The following GABRB1 variants were observed in gnomAD, a reference collection of about 807,000 sequenced individuals.
GABRB1 encodes gamma-aminobutyric acid receptor subunit beta-1.
Under a neutral mutation model 51.6 loss-of-function variants are expected in GABRB1, and 17 were observed. The observed-to-expected ratio is 0.33, with a 90% CI of 0.23 to 0.49. The LOEUF (loss-of-function observed/expected upper bound fraction) is 0.49. Ranked by LOEUF, GABRB1 falls within the 20% of genes least tolerant of loss-of-function variation. The pLI, the probability that GABRB1 is intolerant of heterozygous loss-of-function variation, is 0.99. For missense variants in GABRB1, 410 were observed against 600.6 expected (o/e 0.68, Z 3.32); for synonymous variants, 247 against 218.9 (o/e 1.13, Z -1.14).
At chr4:47,254,708 G>C (rs921306747) in intron 4 of GABRB1, among the ~76,000 whole-genome samples, 2 of 152,062 alleles carry the variant, frequency 1.3e-5, no homozygotes, top group African/African-American at 4.8e-5. Flanking sequence ...AAAATAGGCT[G>C]TATTCTTTGT....
chr4:47,372,820 G>T (rs1047904636), intron 5 of GABRB1, among the ~76,000 whole-genome samples: 1 of 152,138 alleles, frequency 6.6e-6, no homozygotes, highest in East Asian at 1.9e-4. Flanking sequence ...TTCTGGGGAG[G>T]TGTGGGGCTT....
chr4:47,078,858 G>A (rs541742811), intron 3 of GABRB1, among the ~76,000 whole-genome samples: 1 of 152,196 alleles, frequency 6.6e-6, no homozygotes, highest in East Asian at 1.9e-4. Flanking sequence ...AGTCTCCAGA[G>A]TCCATTTCTT....
At chr4:47,049,607 T>G (rs1247920945) in intron 3 of GABRB1, among the ~76,000 whole-genome samples, 2 of 152,312 alleles carry the variant, frequency 1.3e-5, no homozygotes, top group East Asian at 1.9e-4. Flanking sequence ...TATTACCACA[T>G]AGCTTACAGG....
intron 4 of GABRB1, among the ~76,000 whole-genome samples, chr4:47,274,231 T>C (rs893766045): frequency 5.3e-5 from 8 of 152,264 alleles, no homozygotes; most frequent in African/African-American, 1.9e-4. Flanking sequence ...AACAATATCA[T>C]CTAATAGGGA....
chr4:46,993,840 C>A (rs1157750944), exon 1 of GABRB1: 1 of 207,094 alleles, frequency 4.8e-6, no homozygotes, highest in Non-Finnish European at 9.9e-6. Context: ...GGGCTCCCCG[C>A]CCACAGCAGT....
intron 5 of GABRB1, among the ~76,000 whole-genome samples, chr4:47,393,823 A>G (rs1282882131): frequency 6.6e-6 from 1 of 152,236 alleles, no homozygotes; most frequent in East Asian, 1.9e-4. Context: ...GAGATCCTGA[A>G]AAGTAAGGCC....
intron 4 of GABRB1, among the ~76,000 whole-genome samples, chr4:47,299,284 C>A (rs1356610270): frequency 6.6e-6 from 1 of 152,038 alleles, no homozygotes; most frequent in East Asian, 1.9e-4. Context: ...AAAGAAACTA[C>A]CATCAGAGTG....
chr4:47,232,341 A>AT (rs895612786), intron 4 of GABRB1, among the ~76,000 whole-genome samples: 1 of 152,068 alleles, frequency 6.6e-6, no homozygotes, highest in East Asian at 1.9e-4. Flanking sequence ...ATATTTATGT[A>AT]TTTTTTACCA....
At chr4:47,395,376 T>C (rs1728145805) in intron 5 of GABRB1, among the ~76,000 whole-genome samples, 1 of 152,112 alleles carries the variant, frequency 6.6e-6, no homozygotes, top group Non-Finnish European at 1.5e-5. Flanking sequence ...ACACACATTT[T>C]TAAACCATCA....
intron 1 of GABRB1, among the ~76,000 whole-genome samples, chr4:47,000,691 G>C (rs748089083): frequency 1.9e-4 from 29 of 152,178 alleles, no homozygotes; most frequent in Non-Finnish European, 3.4e-4. Flanking sequence ...ATTGGCTGGA[G>C]ATCTCTCTTC....
chr4:47,182,996 G>T (rs1719018311), intron 4 of GABRB1, among the ~76,000 whole-genome samples: 1 of 151,728 alleles, frequency 6.6e-6, no homozygotes, highest in South Asian at 2.1e-4. Flanking sequence ...AAAAATTACA[G>T]ATTTCTTGTG....
intron 1 of GABRB1, among the ~76,000 whole-genome samples, chr4:47,023,093 G>A (rs776445568): frequency 3.9e-5 from 6 of 152,030 alleles, no homozygotes; most frequent in Non-Finnish European, 7.4e-5. Flanking sequence ...AACATCACAT[G>A]TTCTCACTTA....
chr4:47,055,789 T>C (rs1382641334), intron 3 of GABRB1, among the ~76,000 whole-genome samples: 2 of 152,222 alleles, frequency 1.3e-5, no homozygotes, highest in Non-Finnish European at 2.9e-5. Flanking sequence ...TGCGTGTTCA[T>C]GGTCTTTATA....
At chr4:47,100,743 C>G (rs1446306820) in intron 3 of GABRB1, among the ~76,000 whole-genome samples, 2 of 151,790 alleles carry the variant, frequency 1.3e-5, no homozygotes, top group Non-Finnish European at 1.5e-5. Context: ...GTAGAAAGCC[C>G]CTACTCTTAG....
chr4:47,406,022 A>G (rs1728554153), intron 7 of GABRB1, among the ~76,000 whole-genome samples: 1 of 152,230 alleles, frequency 6.6e-6, no homozygotes, highest in African/African-American at 2.4e-5. Context: ...AGGTTCTGGA[A>G]CCAAGAAAAT....
At chr4:47,353,519 C>T (rs1726440117) in intron 5 of GABRB1, among the ~76,000 whole-genome samples, 1 of 152,154 alleles carries the variant, frequency 6.6e-6, no homozygotes, top group Non-Finnish European at 1.5e-5. Context: ...GAAATACTGC[C>T]TCTTCCCACC....
At chr4:47,032,659 G>T (rs762230207) in intron 3 of GABRB1, 175 bp downstream of exon 3, 2 of 725,034 alleles carry the variant, frequency 2.8e-6, no homozygotes, top group African/African-American at 3.5e-5. Context: ...TTGTAATTTC[G>T]ACACACACGG....
intron 8 of GABRB1, 113 bp downstream of exon 8, chr4:47,407,039 G>C (rs1267814599): frequency 9.5e-7 from 1 of 1,058,100 alleles, no homozygotes; most frequent in Non-Finnish European, 1.3e-6. Flanking sequence ...TATTTAATAA[G>C]ACTCAACCAA....
chr4:47,397,883 A>AT (rs1410567771), intron 5 of GABRB1, among the ~76,000 whole-genome samples: 4 of 151,888 alleles, frequency 2.6e-5, no homozygotes, highest in Admixed American at 2.0e-4. Flanking sequence ...TATTTCTACT[A>AT]TTTTTTCAGA....
Sources: allele counts gnomAD v4.1 joint callset (sites outside exome capture counted in the v4.1 genomes callset), GRCh38; gene constraint gnomAD v4.1.1; transcripts MANE v1.5; gene names NCBI Gene and HGNC (gene_info 2026-07-23, HGNC 2026-07-21).